MIS18A: variants seen among roughly 807,000 people sequenced by gnomAD.
The protein encoded by MIS18A is MIS18 kinetochore protein A.
MIS18A carries 14 observed loss-of-function variants against 25.0 expected under a neutral mutation model. The ratio of observed to expected loss-of-function variants is 0.56; its 90% confidence interval spans 0.37 to 0.88. The LOEUF (loss-of-function observed/expected upper bound fraction) is 0.88. Ranked by LOEUF, MIS18A falls within the 40% of genes least tolerant of loss-of-function variation. The pLI is 0.00. For synonymous variants in MIS18A, 134 were observed against 118.6 expected, an observed-to-expected ratio of 1.13 and a Z score of -0.84; for missense variants, 292 against 290.8, an observed-to-expected ratio of 1.00 and a Z score of -0.03.
the MIS18A span, among the ~76,000 whole-genome samples, chr21:32,249,103 G>A: frequency 6.6e-6 from 1 of 152,178 alleles, no homozygotes; most frequent in African/African-American, 2.4e-5. Flanking sequence ...TCGAGACTCT[G>A]AGGCTCCCTG....
downstream of MIS18A, among the ~76,000 whole-genome samples, chr21:32,266,686 G>A (rs1333815744): frequency 2.0e-5 from 3 of 151,222 alleles, no homozygotes; most frequent in Admixed American, 1.3e-4. Context: ...AAGAAACTCC[G>A]AACACATCTG....
the MIS18A span, among the ~76,000 whole-genome samples, chr21:32,181,843 G>GTGAT: frequency 4.1e-4 from 63 of 152,294 alleles, no homozygotes; most frequent in Admixed American, 2.1e-3. Flanking sequence ...AGGGGGCAGA[G>GTGAT]TGATTAAGCA....
At chr21:32,167,211 T>C in the MIS18A span, among the ~76,000 whole-genome samples, 8 of 152,170 alleles carry the variant, frequency 5.3e-5, no homozygotes, top group Non-Finnish European at 8.8e-5. Flanking sequence ...TGGAGGTAGA[T>C]AATATGATCC....
the MIS18A span, among the ~76,000 whole-genome samples, chr21:32,239,634 G>A: frequency 1.3e-5 from 2 of 152,306 alleles, no homozygotes; most frequent in Admixed American, 6.5e-5. Flanking sequence ...GAAGAAAAAT[G>A]GATTCTTTGA....
At chr21:32,154,763 T>C in the MIS18A span, among the ~76,000 whole-genome samples, 4 of 152,228 alleles carry the variant, frequency 2.6e-5, no homozygotes, top group Non-Finnish European at 4.4e-5. Context: ...GTGTTATTTT[T>C]TTCCTTGGCA....
the MIS18A span, among the ~76,000 whole-genome samples, chr21:32,209,531 C>A: frequency 6.6e-6 from 1 of 152,102 alleles, no homozygotes. Context: ...TTAAAACTGG[C>A]AAAAACTGCA....
At chr21:32,197,309 C>T in the MIS18A span, among the ~76,000 whole-genome samples, 1 of 151,916 alleles carries the variant, frequency 6.6e-6, no homozygotes, top group East Asian at 1.9e-4. Flanking sequence ...ATCCCCAGAG[C>T]TGTAGCTGTC....
At chr21:32,256,018 CTTT>C in the MIS18A span, among the ~76,000 whole-genome samples, 2 of 152,254 alleles carry the variant, frequency 1.3e-5, no homozygotes, top group Admixed American at 1.3e-4. Context: ...CAGTTGACTT[CTTT>C]GAGGATAACC....
At chr21:32,164,826 A>G in the MIS18A span, among the ~76,000 whole-genome samples, 1 of 152,138 alleles carries the variant, frequency 6.6e-6, no homozygotes, top group Admixed American at 6.5e-5. Context: ...GAAAATTGCA[A>G]AGTTCTGTTA....
At chr21:32,190,565 C>T in the MIS18A span, among the ~76,000 whole-genome samples, 2 of 152,170 alleles carry the variant, frequency 1.3e-5, no homozygotes, top group African/African-American at 2.4e-5. Flanking sequence ...AAACACTAAA[C>T]AAGACACCCA....
the MIS18A span, among the ~76,000 whole-genome samples, chr21:32,226,495 AAAG>A: frequency 2.6e-5 from 4 of 152,188 alleles, no homozygotes; most frequent in Admixed American, 6.5e-5. Flanking sequence ...TACTAGAGAC[AAAG>A]AAGGACATTT....
chr21:32,249,173 C>CT, the MIS18A span, among the ~76,000 whole-genome samples: 1 of 152,210 alleles, frequency 6.6e-6, no homozygotes, highest in African/African-American at 2.4e-5. Flanking sequence ...ATGCTTCAAG[C>CT]TCGGGAGGGG....
the MIS18A span, among the ~76,000 whole-genome samples, chr21:32,177,288 T>C: frequency 2.0e-5 from 3 of 152,304 alleles, no homozygotes; most frequent in South Asian, 2.1e-4. Context: ...AAACTAGGAA[T>C]AGAAAATAAC....
the MIS18A span, among the ~76,000 whole-genome samples, chr21:32,191,186 G>A: frequency 3.3e-5 from 5 of 152,196 alleles, no homozygotes; most frequent in African/African-American, 9.7e-5. Flanking sequence ...AATGGACAAC[G>A]TAAAGCGCAC....
chr21:32,221,853 C>T, the MIS18A span, among the ~76,000 whole-genome samples: 1 of 151,854 alleles, frequency 6.6e-6, no homozygotes, highest in Non-Finnish European at 1.5e-5. Context: ...GATCATGCCA[C>T]TGCACTCCAG....
the MIS18A span, among the ~76,000 whole-genome samples, chr21:32,187,067 T>C: frequency 6.6e-6 from 1 of 152,180 alleles, no homozygotes. Flanking sequence ...GCTGGCAGCC[T>C]GACACCGGTG....
the MIS18A span, among the ~76,000 whole-genome samples, chr21:32,157,391 C>A: frequency 6.6e-6 from 1 of 151,656 alleles, no homozygotes; most frequent in Admixed American, 6.6e-5. Context: ...AGGAATAAAC[C>A]TTTGTCCATT....
chr21:32,253,648 G>A, the MIS18A span, among the ~76,000 whole-genome samples: 2 of 152,108 alleles, frequency 1.3e-5, no homozygotes, highest in Non-Finnish European at 2.9e-5. Flanking sequence ...CAATCACACA[G>A]CAAGGGTTAC....
At chr21:32,188,003 G>GTC in the MIS18A span, among the ~76,000 whole-genome samples, 3,825 of 150,066 alleles carry the variant, frequency 0.025, 144 homozygotes, top group African/African-American at 0.081. Flanking sequence ...CTCCCTTTCT[G>GTC]TCTCTCTCTC....
Sources: gnomAD v4.1 joint callset for allele counts (sites outside exome capture counted in the v4.1 genomes callset) on GRCh38, gnomAD v4.1.1 for gene constraint, MANE v1.5 for transcripts, NCBI Gene and HGNC (gene_info 2026-07-23, HGNC 2026-07-21) for gene names.